PLCG2: variants seen among roughly 807,000 people sequenced by gnomAD.
The protein encoded by PLCG2 is 1-phosphatidylinositol 4,5-bisphosphate phosphodiesterase gamma-2.
In PLCG2, 69 loss-of-function variants were observed where a neutral mutation model predicts 175.6. That is an observed-to-expected ratio of 0.39 (90% CI 0.32 to 0.48). PLCG2 has a LOEUF of 0.48. Among genes scored for constraint, PLCG2 ranks in the 20% least tolerant of loss-of-function variants. PLCG2 has a pLI of 0.91. For synonymous variants in PLCG2, 827 were observed against 624.0 expected, an observed-to-expected ratio of 1.33 and a Z score of -4.85; for missense variants, 1,798 against 1,650.9, an observed-to-expected ratio of 1.09 and a Z score of -1.54.
At position 81,881,000 on chromosome 16, in the gene PLCG2, G is replaced by A. The variant is rs200106233; in HGVS notation, c.692+47G>A. On this transcript the variant is annotated intron_variant, in intron 8 of 32. Transcript: ENST00000564138. ...GTTCGGGGCGGCTGTGCCGGACCTCGGTGCCTGGTGCCCAGCCGGCCTCCA... is the reference window on the plus strand; with the variant it reads ...GTTCGGGGCGGCTGTGCCGGACCTCAGTGCCTGGTGCCCAGCCGGCCTCCA... The A allele has an allele frequency of 4.0e-5, 63 of 1,578,280 alleles. No individual in the cohort carries two copies. In the African/African-American group the frequency reaches 4.3e-4, roughly 11 times the overall value.
At chr16:81,853,785 A>C (rs1006284764) in intron 2 of PLCG2, among the ~76,000 whole-genome samples, 3 of 152,138 alleles carry the variant, frequency 2.0e-5, no homozygotes, top group African/African-American at 7.2e-5. Flanking sequence ...TAAATACTGG[A>C]GGCTGTGGCC....
At chr16:81,788,473 G>C (rs143131374) in intron 2 of PLCG2, among the ~76,000 whole-genome samples, 29 of 152,148 alleles carry the variant, frequency 1.9e-4, no homozygotes, top group Middle Eastern at 6.8e-3. Context: ...GTAGAGACGG[G>C]GTCTCACTGT....
Position 81,880,897 on chromosome 16 carries a change from C to A in PLCG2, c.649-13C>A, listed in dbSNP as rs1322973087. On this transcript the variant is annotated splice_polypyrimidine_tract_variant and intron_variant, in intron 7 of 32. Coordinates refer to ENST00000564138, the MANE Select transcript of PLCG2 (RefSeq NM_002661.5). ...TCTAAGGTTCTTTTTTTTGTGTGTG[C>A]TTTCCATTTCAGATTCTCGATGAAT... 6.2e-7 allele frequency: 1 copy of A among 1,613,184 alleles called. No individual in the cohort carries two copies. Among genetic ancestry groups the A allele is most frequent in the African/African-American group, 1.3e-5 (1 of 74,878 alleles).
chr16:81,817,428 G>C (rs552464280), intron 2 of PLCG2, among the ~76,000 whole-genome samples: 1 of 152,178 alleles, frequency 6.6e-6, no homozygotes, highest in South Asian at 2.1e-4. Flanking sequence ...AAGGAGTTTC[G>C]CTTTTGTTGC....
At chr16:81,842,658 T>C (rs141747389) in intron 2 of PLCG2, 3 of 152,268 alleles carry the variant, frequency 2.0e-5, no homozygotes, top group African/African-American at 4.8e-5. Flanking sequence ...GAAAAAGCCA[T>C]GTTCCTGGTG....
intron 31 of PLCG2, among the ~76,000 whole-genome samples, chr16:81,955,516 T>C (rs1911531779): frequency 6.6e-6 from 1 of 152,148 alleles, no homozygotes; most frequent in South Asian, 2.1e-4. Context: ...TTTTGTCTTT[T>C]TTTCTCCCCT....
chr16:81,931,707 G>C, intron 25 of PLCG2, 53 bp downstream of exon 25: 1 of 1,555,226 alleles, frequency 6.4e-7, no homozygotes, highest in Non-Finnish European at 8.8e-7. Context: ...GAGGGCTTTG[G>C]TGCTCAGTTG....
At chr16:81,938,978 T>G in intron 29 of PLCG2, 63 bp downstream of exon 29, 1 of 910,774 alleles carries the variant, frequency 1.1e-6, no homozygotes, top group South Asian at 1.4e-5. Flanking sequence ...TTTGTGGGAG[T>G]GCTCTTCGTG....
At chr16:81,949,242 A>G (rs1442897732) in intron 31 of PLCG2, among the ~76,000 whole-genome samples, 4 of 152,208 alleles carry the variant, frequency 2.6e-5, no homozygotes, top group Non-Finnish European at 4.4e-5. Flanking sequence ...ATAGCGAATA[A>G]AGGAAGTGTT....
At chr16:81,900,254 A>G (rs867172199) in intron 13 of PLCG2, among the ~76,000 whole-genome samples, 1 of 152,222 alleles carries the variant, frequency 6.6e-6, no homozygotes. Flanking sequence ...TGAAGCACAC[A>G]TGGGTGCTTA....
chr16:81,922,572 G>T (rs1397151364), intron 21 of PLCG2, among the ~76,000 whole-genome samples: 3 of 152,194 alleles, frequency 2.0e-5, no homozygotes, highest in Non-Finnish European at 4.4e-5. Flanking sequence ...ACAGACGGGG[G>T]AACTGAGGAT....
At chr16:81,807,229 C>T (rs1224004901) in intron 2 of PLCG2, among the ~76,000 whole-genome samples, 1 of 152,086 alleles carries the variant, frequency 6.6e-6, no homozygotes. Flanking sequence ...TGTCCTCCTC[C>T]TACATCAGGA....
chr16:81,757,662 A>G (rs913111038), intron 2 of PLCG2, among the ~76,000 whole-genome samples: 7 of 152,332 alleles, frequency 4.6e-5, no homozygotes, highest in Non-Finnish European at 8.8e-5. Context: ...CTTTATTGAG[A>G]TATAATTCAT....
chr16:81,944,793 T>G (rs1321278996), intron 30 of PLCG2, among the ~76,000 whole-genome samples: 2 of 152,234 alleles, frequency 1.3e-5, no homozygotes, highest in Non-Finnish European at 2.9e-5. Context: ...TCATTTTATA[T>G]CAGGGACTTG....
Position 81,766,319 on chromosome 16 carries a change from T to G in PLCG2, c.-48+10353T>G, listed in dbSNP as rs562888641. 1.1e-3 allele frequency among the ~76,000 whole-genome samples: 170 copies of G among 152,344 alleles called. 1 individual carries two copies. Among genetic ancestry groups the G allele is most frequent in the African/African-American group, 3.8e-3 (159 of 41,574 alleles). On this transcript the variant is annotated intron_variant, in intron 2 of 5. Transcript: ENST00000565054. ...CCACTCTGTTTCTCCTCTGCAGGGC[T>G]GGAGACACAGGTGGACACCTGGCTG... is the stretch of plus-strand genomic sequence containing the variant.
chr16:81,809,763 T>C (rs1904301563), intron 2 of PLCG2, among the ~76,000 whole-genome samples: 1 of 143,776 alleles, frequency 7.0e-6, no homozygotes, highest in Non-Finnish European at 1.5e-5. Context: ...TCTGTCCTGA[T>C]TCTAGAGGGA....
At chr16:81,818,186 T>C (rs889805892) in intron 2 of PLCG2, among the ~76,000 whole-genome samples, 2 of 152,342 alleles carry the variant, frequency 1.3e-5, no homozygotes, top group East Asian at 3.9e-4. Context: ...GCTTCGGCCC[T>C]CTGTGCCTCA....
At chr16:81,800,716 C>T (rs1168572028) in intron 2 of PLCG2, among the ~76,000 whole-genome samples, 1 of 151,920 alleles carries the variant, frequency 6.6e-6, no homozygotes, top group East Asian at 1.9e-4. Flanking sequence ...CTATGATAGG[C>T]AGAATAAACG....
intron 9 of PLCG2, among the ~76,000 whole-genome samples, chr16:81,884,058 G>T (rs1484022152): frequency 6.6e-6 from 1 of 152,162 alleles, no homozygotes; most frequent in Non-Finnish European, 1.5e-5. Flanking sequence ...CCCCAGCGAA[G>T]AAGTATTCAG....
Sources: gnomAD v4.1 joint callset for allele counts (sites outside exome capture counted in the v4.1 genomes callset) on GRCh38, gnomAD v4.1.1 for gene constraint, MANE v1.5 for transcripts, NCBI Gene and HGNC (gene_info 2026-07-23, HGNC 2026-07-21) for gene names.